The following PRPF18 variants were observed in gnomAD, a reference collection of about 807,000 sequenced individuals.
PRPF18 encodes the protein pre-mRNA-splicing factor 18.
In PRPF18, 38 loss-of-function variants were observed where a neutral mutation model predicts 46.5. That is an observed-to-expected ratio of 0.82 (90% CI 0.63 to 1.07). The LOEUF is 1.07. Among genes scored for constraint, PRPF18 ranks in the 50% least tolerant of loss-of-function variants. PRPF18 has a pLI of 0.00. For synonymous variants in PRPF18, 152 were observed against 146.7 expected (o/e 1.04, Z -0.26); for missense variants, 263 against 410.0 (o/e 0.64, Z 3.10).
chr10:13,613,796 G>A lies in PRPF18; in HGVS notation c.635G>A (p.Arg212His), dbSNP rs1290022337. ...ELNAREDYVK[R>H]SVQGKLNSAT... The stretch of plus-strand genomic sequence containing the variant: ...AATGCCAGAGAAGATTATGTGAAAC[G>A]CAGTGTGCAGGGTAAACTGAACAGT... The change falls in exon 7 of 10, where the codon CGC becomes CAC. Residue 212 changes from arginine (R) to histidine (H), a missense_variant. Physicochemically the swap from Arg to His is conservative, Grantham distance 29 (BLOSUM62 0). Transcript: ENST00000378572. The A allele has an allele frequency of 1.2e-6, 2 of 1,613,850 alleles. No individual in the cohort carries two copies. Among genetic ancestry groups the A allele is most frequent in the Non-Finnish European group, 8.5e-7 (1 of 1,179,930 alleles).
At chr10:13,604,115 A>G (rs1476654367) in intron 3 of PRPF18, among the ~76,000 whole-genome samples, 1 of 152,180 alleles carries the variant, frequency 6.6e-6, no homozygotes, top group Non-Finnish European at 1.5e-5. Flanking sequence ...TCAGCCAGGG[A>G]TCTGACAAGG....
intron 6 of PRPF18, among the ~76,000 whole-genome samples, chr10:13,612,121 C>A (rs534045063): frequency 2.0e-5 from 3 of 152,094 alleles, no homozygotes; most frequent in Non-Finnish European, 4.4e-5. Flanking sequence ...CTCAGGTGAT[C>A]CACCCACCTC....
At position 13,630,475 on chromosome 10, in the gene PRPF18, G is replaced by T. The variant is rs927639315; in HGVS notation, c.*135G>T. On this transcript the variant is annotated 3_prime_UTR_variant, in exon 10 of 10. Transcript: ENST00000378572. The stretch of plus-strand genomic sequence containing the variant: ...CTGAGTTCTACCTGATGTAACTCTT[G>T]ATTGGTTTTAAGAACTTTGTTGGCC... 1.6e-5 allele frequency: 10 copies of T among 618,134 alleles called. No homozygotes were observed. The African/African-American group carries it at 1.7e-4, about 10-fold the overall frequency. 38.3% of individuals were successfully genotyped at this position (618,134 alleles called of 1,614,324 possible).
At chr10:13,608,031 A>G (rs1589127185) in intron 4 of PRPF18, among the ~76,000 whole-genome samples, 1 of 152,192 alleles carries the variant, frequency 6.6e-6, no homozygotes, top group East Asian at 1.9e-4. Context: ...AGGTGTGGTT[A>G]CCTATGACTA....
At chr10:13,616,261 A>T (rs2080340305) in intron 8 of PRPF18, 137 bp from the exon 9 acceptor site, 1 of 827,752 alleles carries the variant, frequency 1.2e-6, no homozygotes, top group Non-Finnish European at 1.9e-6. Context: ...TTTGAATAAC[A>T]GTCATGGTAA....
chr10:13,636,093 G>A, the PRPF18 span, among the ~76,000 whole-genome samples: 6 of 152,166 alleles, frequency 3.9e-5, no homozygotes, highest in African/African-American at 9.7e-5. Flanking sequence ...GATTAAACAA[G>A]GTATTACAAA....
chr10:13,641,631 G>A, the PRPF18 span: 1 of 152,192 alleles, frequency 6.6e-6, no homozygotes, highest in Non-Finnish European at 1.5e-5. Context: ...GGAGAGCCCT[G>A]GACTACGATA....
intron 9 of PRPF18, among the ~76,000 whole-genome samples, chr10:13,616,897 A>T (rs1183886302): frequency 6.6e-6 from 1 of 152,190 alleles, no homozygotes; most frequent in African/African-American, 2.4e-5. Flanking sequence ...AGAGCAACAA[A>T]CTTAGAGTAT....
rs187145421 is a variant in PRPF18, at chr10:13,594,376, G to A, written c.67-3082G>A. 3.3e-5 allele frequency among the ~76,000 whole-genome samples: 5 copies of A among 152,280 alleles called. No individual in the cohort carries two copies. In the East Asian group the frequency reaches 9.6e-4, roughly 29 times the overall value. On this transcript the variant is annotated intron_variant, in intron 1 of 9. Coordinates refer to ENST00000378572, the MANE Select transcript of PRPF18 (RefSeq NM_003675.4). ...CACAGATAAGTAGTTAGAAAAAGGAGTATCTTAATAGCCTTTTCAGATAAT... is the reference window on the plus strand; with the variant it reads ...CACAGATAAGTAGTTAGAAAAAGGAATATCTTAATAGCCTTTTCAGATAAT...
At chr10:13,615,970 T>G (rs1221655843) in intron 8 of PRPF18, among the ~76,000 whole-genome samples, 1 of 152,098 alleles carries the variant, frequency 6.6e-6, no homozygotes, top group Non-Finnish European at 1.5e-5. Flanking sequence ...GGATATTGTT[T>G]AGGGTTGGAC....
At chr10:13,588,141 G>T (rs1317433433) in intron 1 of PRPF18, among the ~76,000 whole-genome samples, 3 of 152,172 alleles carry the variant, frequency 2.0e-5, no homozygotes, top group Non-Finnish European at 4.4e-5. Context: ...GGGCCGCCGG[G>T]CGCGGTGGCT....
chr10:13,616,703 A>G, intron 9 of PRPF18, 150 bp downstream of exon 9: 1 of 959,058 alleles, frequency 1.0e-6, no homozygotes, highest in Non-Finnish European at 1.5e-6. Flanking sequence ...CTGACACTGA[A>G]GCCACCTTCA....
the PRPF18 span, chr10:13,637,285 T>A: frequency 6.6e-6 from 1 of 152,204 alleles, no homozygotes; most frequent in Non-Finnish European, 1.5e-5. Flanking sequence ...GTTAACACAT[T>A]CCCACAGCAG....
At position 13,630,801 on chromosome 10, in the gene PRPF18, A is replaced by G. The variant is rs1468431079; in HGVS notation, c.*461A>G. The G allele has an allele frequency of 1.3e-5, 2 of 152,168 alleles. No individual in the cohort carries two copies. Among genetic ancestry groups the G allele is most frequent in the Non-Finnish European group, 2.9e-5 (2 of 68,050 alleles). 9.4% of individuals were successfully genotyped at this position (152,168 alleles called of 1,614,324 possible). Reference sequence around the variant, plus strand: ...ATGGGACCATTGAATGAAACTTTATAGTCCTTAAATGTTGCTGAACTTTTG... The same window carrying G: ...ATGGGACCATTGAATGAAACTTTATGGTCCTTAAATGTTGCTGAACTTTTG... On this transcript the variant is annotated 3_prime_UTR_variant, in exon 10 of 10. Coordinates refer to ENST00000378572, the MANE Select transcript of PRPF18 (RefSeq NM_003675.4).
intron 1 of PRPF18, among the ~76,000 whole-genome samples, chr10:13,588,762 A>AT (rs147964851): frequency 0.013 from 2,004 of 152,300 alleles, 44 homozygotes; most frequent in African/African-American, 0.044. Context: ...TACATGATTT[A>AT]GGAACTTCCT....
chr10:13,652,032 T>TGACACA, the PRPF18 span: 30 of 902,180 alleles, frequency 3.3e-5, no homozygotes, highest in Non-Finnish European at 5.3e-5. Flanking sequence ...AGAGAGACAC[T>TGACACA]GACACAGACA....
At position 13,587,123 on chromosome 10, in the gene PRPF18, C is replaced by T; in HGVS notation, c.37C>T (p.Gln13Ter). The T allele has an allele frequency of 6.2e-7, 1 of 1,614,088 alleles. No homozygotes were observed. The highest frequency in any genetic ancestry group is 8.5e-7 in the Non-Finnish European group (1 of 1,179,974). ...ILKSEILRKRQLVEDRNLLVE... is the reference protein window; with the variant it reads ...ILKSEILRKR ...GAAATCAGAGATCCTTCGGAAGCGG[C>T]AGCTGGTGGAGGACAGGAACCTGCT... Residue 13 changes from glutamine (Q) to a stop codon, truncating the protein, a stop_gained, in exon 1 of 10, where the codon CAG becomes TAG. Transcript: ENST00000378572. LOFTEE classifies it high-confidence loss of function.
chr10:13,587,256 G>A, intron 1 of PRPF18, 104 bp downstream of exon 1: 2 of 1,265,420 alleles, frequency 1.6e-6, no homozygotes, highest in Admixed American at 1.7e-5. Context: ...GGGCGGGGAC[G>A]GGGCTTAGCG....
chr10:13,619,509 T>A (rs2080393972), intron 9 of PRPF18, among the ~76,000 whole-genome samples: 1 of 152,192 alleles, frequency 6.6e-6, no homozygotes, highest in South Asian at 2.1e-4. Context: ...GTCCTCTCAT[T>A]CTTTTCTGCC....
Sources: gnomAD v4.1 joint callset for allele counts (sites outside exome capture counted in the v4.1 genomes callset) on GRCh38, gnomAD v4.1.1 for gene constraint, MANE v1.5 for transcripts, NCBI Gene and HGNC (gene_info 2026-07-23, HGNC 2026-07-21) for gene names.